TMEM200A: variants seen among roughly 807,000 people sequenced by gnomAD.
TMEM200A encodes transmembrane protein 200A, also known as two transmembrane C.
In TMEM200A, 12 loss-of-function variants were observed where a neutral mutation model predicts 24.3. The observed-to-expected ratio is 0.49, with a 90% CI of 0.32 to 0.80. The LOEUF is 0.80. TMEM200A is among the 30% of genes least tolerant of loss of function. The probability of loss-of-function intolerance (pLI) is 0.04; values close to 1 mark genes in which losing one functional copy is unlikely to be tolerated. For synonymous variants in TMEM200A, 224 were observed against 224.4 expected (o/e 1.00, Z 0.02); for missense variants, 545 against 614.4 (o/e 0.89, Z 1.19).
At chr6:130,413,937 A>G (rs1779389357) in intron 2 of TMEM200A, among the ~76,000 whole-genome samples, 1 of 152,126 alleles carries the variant, frequency 6.6e-6, no homozygotes, top group African/African-American at 2.4e-5. Flanking sequence ...AAATTCTCAC[A>G]CTAGAATTAA....
intron 2 of TMEM200A, among the ~76,000 whole-genome samples, chr6:130,422,932 A>C (rs1239557910): frequency 6.6e-6 from 1 of 152,224 alleles, no homozygotes; most frequent in Admixed American, 6.5e-5. Flanking sequence ...ATGTATCTAT[A>C]ATTTTGACAT....
chr6:130,402,204 CAG>C (rs1016370430), intron 2 of TMEM200A, among the ~76,000 whole-genome samples: 1 of 151,354 alleles, frequency 6.6e-6, no homozygotes, highest in Non-Finnish European at 1.5e-5. Context: ...AATAAACAAA[CAG>C]AGTATTATGG....
At chr6:130,431,035 G>A (rs1007115064) in intron 2 of TMEM200A, among the ~76,000 whole-genome samples, 2 of 152,118 alleles carry the variant, frequency 1.3e-5, no homozygotes, top group Non-Finnish European at 2.9e-5. Context: ...AGTTAAGAAT[G>A]TAAGACCTTT....
chr6:130,373,963 C>G (rs1336369032), intron 1 of TMEM200A, among the ~76,000 whole-genome samples: 1 of 152,122 alleles, frequency 6.6e-6, no homozygotes, highest in African/African-American at 2.4e-5. Context: ...CTTTGTTACC[C>G]AAATCTCCCT....
chr6:130,434,665 G>A (rs1008303987), intron 2 of TMEM200A, among the ~76,000 whole-genome samples: 1 of 152,086 alleles, frequency 6.6e-6, no homozygotes, highest in African/African-American at 2.4e-5. Context: ...AATAGGAGAG[G>A]TAAGCCTGAA....
At position 130,398,963 on chromosome 6, in the gene TMEM200A, T is replaced by G. The variant is rs75351528; in HGVS notation, c.-17+13727T>G. Among the ~76,000 whole-genome samples, 449 of 152,178 alleles carry G rather than the reference T, an allele frequency of 3.0e-3. 5 individuals carry two copies. In the East Asian group the frequency reaches 0.042, roughly 14 times the overall value. The stretch of plus-strand genomic sequence containing the variant: ...TCCTTTAGTAGTTATTTCATAGTAG[T>G]TATTTCATTGATGATCCATGAGTGT... On this transcript the variant is annotated intron_variant, in intron 2 of 2. Transcript: ENST00000296978.
chr6:130,432,627 C>T (rs7775870), intron 2 of TMEM200A, among the ~76,000 whole-genome samples: 73,062 of 152,080 alleles, frequency 0.48, 21,845 homozygotes, highest in African/African-American at 0.85. Context: ...AGTAAAAGAA[C>T]AATGTGAGCT....
intron 2 of TMEM200A, among the ~76,000 whole-genome samples, chr6:130,422,753 C>T (rs765993528): frequency 3.3e-5 from 5 of 152,142 alleles, no homozygotes; most frequent in Non-Finnish European, 7.4e-5. Flanking sequence ...TCCCACTCAG[C>T]ATTTAATGCA....
intron 2 of TMEM200A, among the ~76,000 whole-genome samples, chr6:130,405,650 A>T (rs1490446482): frequency 6.6e-6 from 1 of 152,172 alleles, no homozygotes; most frequent in Non-Finnish European, 1.5e-5. Flanking sequence ...CCTGGAGAAA[A>T]TCGTGCAATT....
Position 130,440,591 on chromosome 6 carries a change from C to T in TMEM200A, c.169C>T (p.Leu57Phe), listed in dbSNP as rs1382369468. ...DVVVVRGKIR[L>F]YSPSGFFLIL... ...TGTGGTTGTTCGTGGCAAAATCCGG[C>T]TTTATTCCCCATCTGGTTTTTTTCT... Residue 57 changes from leucine to phenylalanine, a missense_variant, in exon 3 of 3, where the codon CTT (leucine) becomes TTT (phenylalanine). Leu to Phe is a conservative substitution (Grantham distance 22). Transcript: ENST00000296978. The T allele has an allele frequency of 6.2e-7, 1 of 1,614,100 alleles. No homozygotes were observed.
At chr6:130,423,371 A>G (rs1028752948) in intron 2 of TMEM200A, among the ~76,000 whole-genome samples, 6 of 152,290 alleles carry the variant, frequency 3.9e-5, no homozygotes, top group African/African-American at 1.4e-4. Context: ...TGTTCACTTA[A>G]CATATTTACT....
intron 2 of TMEM200A, among the ~76,000 whole-genome samples, chr6:130,435,580 C>G (rs546355399): frequency 1.3e-5 from 2 of 152,286 alleles, no homozygotes; most frequent in South Asian, 2.1e-4. Flanking sequence ...TTTCTTTGCT[C>G]TATACTTTCT....
chr6:130,406,688 T>G (rs1352771551), intron 2 of TMEM200A, among the ~76,000 whole-genome samples: 1 of 152,172 alleles, frequency 6.6e-6, no homozygotes, highest in Non-Finnish European at 1.5e-5. Context: ...AGCCTGGAAA[T>G]AGTTTGGTTT....
intron 2 of TMEM200A, among the ~76,000 whole-genome samples, chr6:130,427,065 C>A (rs1387981060): frequency 6.6e-6 from 1 of 152,202 alleles, no homozygotes; most frequent in African/African-American, 2.4e-5. Context: ...TCGAAGGCTA[C>A]ACTCCACCTG....
rs1778150149 is a variant in TMEM200A at position 130,366,507 on chromosome 6, G to A, written c.-98G>A. On this transcript the variant is annotated 5_prime_UTR_variant, in exon 1 of 3. Transcript: ENST00000296978. The surrounding 1 kb of genome is among the most constrained non-coding windows in gnomAD (Gnocchi z 4.4). ...AGGGAGAGGCGACCCGACCCCCAGG[G>A]CCCGGTGCTCAGGACAGGTGAGGGG... 1 of 985,794 alleles carries A rather than the reference G, an allele frequency of 1.0e-6. No individual in the cohort carries two copies. The highest frequency in any genetic ancestry group is 4.7e-5 in the South Asian group (1 of 21,294). The allele number at this position is 985,794 out of a possible 1,614,324, so 61.1% of individuals were successfully genotyped here.
chr6:130,431,884 G>A (rs1051558834), intron 2 of TMEM200A, among the ~76,000 whole-genome samples: 1 of 152,094 alleles, frequency 6.6e-6, no homozygotes, highest in Non-Finnish European at 1.5e-5. Context: ...GGCTCAAGAT[G>A]TACTTGACCA....
At chr6:130,411,002 C>T (rs965925846) in intron 2 of TMEM200A, among the ~76,000 whole-genome samples, 7 of 152,126 alleles carry the variant, frequency 4.6e-5, no homozygotes, top group Admixed American at 2.6e-4. Flanking sequence ...AACCCTGTCT[C>T]TACTAAAAAT....
Position 130,388,555 on chromosome 6 carries a change from A to G in TMEM200A, c.-17+3319A>G, listed in dbSNP as rs566869116. On this transcript the variant is annotated intron_variant, in intron 2 of 2. Coordinates refer to ENST00000296978, the MANE Select transcript of TMEM200A (RefSeq NM_001258277.2). ...TCATGCATAGTATTTCACAATCTAA[A>G]TTCATATATCCTTATTTTTTTATAT... 1.3e-3 allele frequency among the ~76,000 whole-genome samples: 202 copies of G among 152,346 alleles called. 2 individuals carry two copies. Among genetic ancestry groups the G allele is most frequent in the Admixed American group, 0.012 (178 of 15,298 alleles).
intron 2 of TMEM200A, among the ~76,000 whole-genome samples, chr6:130,403,936 G>A (rs1779147484): frequency 1.3e-5 from 2 of 152,048 alleles, no homozygotes; most frequent in African/African-American, 4.8e-5. Flanking sequence ...TTGGTTTTAT[G>A]CTCCTATGTT....
Sources: allele counts gnomAD v4.1 joint callset (sites outside exome capture counted in the v4.1 genomes callset), GRCh38; gene constraint gnomAD v4.1.1; non-coding constraint Gnocchi (gnomAD v3.1); transcripts MANE v1.5; gene names NCBI Gene and HGNC (gene_info 2026-07-23, HGNC 2026-07-21).